Variants in LRRTM4 observed in about 807,000 individuals in gnomAD.
LRRTM4 encodes the protein leucine-rich repeat transmembrane neuronal protein 4.
Under a neutral mutation model 47.6 loss-of-function variants are expected in LRRTM4, and 25 were observed. The observed-to-expected ratio is 0.53, with a 90% confidence interval of 0.38 to 0.73. The LOEUF is 0.73. LRRTM4 is among the 30% of genes least tolerant of loss of function. The pLI, the probability that LRRTM4 is intolerant of heterozygous loss-of-function variation, is 0.00. For missense variants in LRRTM4, 638 were observed against 713.4 expected (o/e 0.89, Z 1.20); for synonymous variants, 311 against 269.5 (o/e 1.15, Z -1.51).
chr2:77,362,387 G>A (rs561523316), intron 3 of LRRTM4, among the ~76,000 whole-genome samples: 1 of 152,306 alleles, frequency 6.6e-6, no homozygotes, highest in East Asian at 1.9e-4. Flanking sequence ...TATAGAACGA[G>A]ATATATTTCA....
chr2:76,769,681 T>A (rs1276266262), intron 3 of LRRTM4, among the ~76,000 whole-genome samples: 1 of 152,258 alleles, frequency 6.6e-6, no homozygotes, highest in African/African-American at 2.4e-5. Context: ...GACGCCAACA[T>A]ACTGAATTCG....
Position 76,841,635 on chromosome 2 carries a change from G to A in LRRTM4, c.1552-92719C>T, listed in dbSNP as rs145882770. Among the ~76,000 whole-genome samples, 491 of 146,268 alleles carry A rather than the reference G, an allele frequency of 3.4e-3. 2 individuals carry two copies. Among genetic ancestry groups the A allele is most frequent in the African/African-American group, 0.012 (469 of 39,918 alleles). ...CCCACAATTCCAGTTAAAAATATAG[G>A]AGGTTCAGAATCAATTTGGTAACCT... On this transcript the variant is annotated intron_variant, in intron 3 of 3. Coordinates refer to ENST00000409884, the MANE Select transcript of LRRTM4 (RefSeq NM_001134745.3).
chr2:77,233,218 GT>G (rs1172827749), intron 3 of LRRTM4, among the ~76,000 whole-genome samples: 1 of 152,154 alleles, frequency 6.6e-6, no homozygotes, highest in Non-Finnish European at 1.5e-5. Flanking sequence ...TGCTAAAAGT[GT>G]TTTAGAAAGT....
intron 3 of LRRTM4, among the ~76,000 whole-genome samples, chr2:76,973,522 G>T (rs904510334): frequency 6.6e-6 from 1 of 151,860 alleles, no homozygotes; most frequent in Non-Finnish European, 1.5e-5. Context: ...CAGATGAAAA[G>T]AACTCTTCTT....
intron 3 of LRRTM4, among the ~76,000 whole-genome samples, chr2:77,285,608 G>C (rs997770329): frequency 4.6e-5 from 7 of 151,586 alleles, no homozygotes; most frequent in African/African-American, 1.7e-4. Context: ...CGGGCCTGCT[G>C]GCACATATCT....
At chr2:77,332,369 A>C (rs1385166454) in intron 3 of LRRTM4, among the ~76,000 whole-genome samples, 1 of 152,218 alleles carries the variant, frequency 6.6e-6, no homozygotes, top group African/African-American at 2.4e-5. Flanking sequence ...TAATTAGTAC[A>C]TTATAGTCTC....
intron 3 of LRRTM4, among the ~76,000 whole-genome samples, chr2:77,085,998 TGAGAAAGG>T (rs1680697511): frequency 6.6e-6 from 1 of 152,194 alleles, no homozygotes; most frequent in African/African-American, 2.4e-5. Context: ...GTCCATTTTT[TGAGAAAGG>T]GAGAAAGTAC....
At chr2:77,476,652 T>A (rs892140388) in intron 3 of LRRTM4, among the ~76,000 whole-genome samples, 2 of 152,140 alleles carry the variant, frequency 1.3e-5, no homozygotes, top group Non-Finnish European at 2.9e-5. Context: ...CTCCAAAAAA[T>A]GTTCTAATGA....
chr2:76,817,202 G>A (rs1670927707), intron 3 of LRRTM4, among the ~76,000 whole-genome samples: 1 of 151,896 alleles, frequency 6.6e-6, no homozygotes, highest in South Asian at 2.1e-4. Context: ...AGGAGTGCAT[G>A]CAGTTGTTTT....
intron 3 of LRRTM4, among the ~76,000 whole-genome samples, chr2:77,207,349 G>A (rs28510528): frequency 0.12 from 14,901 of 119,678 alleles, 2,133 homozygotes; most frequent in African/African-American, 0.36. Flanking sequence ...TCATATATGT[G>A]TATATATATA....
chr2:76,823,184 C>T (rs1202003300), intron 3 of LRRTM4, among the ~76,000 whole-genome samples: 2 of 151,200 alleles, frequency 1.3e-5, no homozygotes, highest in East Asian at 3.9e-4. Flanking sequence ...ATGTTGATAT[C>T]AATTGAGTAT....
chr2:76,855,971 C>G (rs1046137971), intron 3 of LRRTM4, among the ~76,000 whole-genome samples: 3 of 152,148 alleles, frequency 2.0e-5, no homozygotes, highest in Non-Finnish European at 4.4e-5. Context: ...GTCAGTCACT[C>G]TGGCATTCAA....
At chr2:77,232,442 G>A (rs1275552077) in intron 3 of LRRTM4, among the ~76,000 whole-genome samples, 2 of 152,218 alleles carry the variant, frequency 1.3e-5, no homozygotes, top group South Asian at 2.1e-4. Flanking sequence ...GCGCTACAGA[G>A]CATGATACAA....
chr2:77,033,429 T>G (rs1265165142), intron 3 of LRRTM4, among the ~76,000 whole-genome samples: 3 of 151,782 alleles, frequency 2.0e-5, no homozygotes, highest in Admixed American at 2.0e-4. Context: ...AATGCATAGT[T>G]TTTTTTACTC....
At chr2:76,840,494 G>A (rs1279435988) in intron 3 of LRRTM4, among the ~76,000 whole-genome samples, 1 of 152,160 alleles carries the variant, frequency 6.6e-6, no homozygotes, top group South Asian at 2.1e-4. Flanking sequence ...CAAAATGCCA[G>A]TAAATAGAAA....
At chr2:77,209,329 GT>G (rs1488346572) in intron 3 of LRRTM4, among the ~76,000 whole-genome samples, 1 of 151,876 alleles carries the variant, frequency 6.6e-6, no homozygotes, top group East Asian at 1.9e-4. Flanking sequence ...TTTGGGGAAA[GT>G]TACAAAGGTG....
chr2:77,357,393 G>A (rs963838379), intron 3 of LRRTM4, among the ~76,000 whole-genome samples: 3 of 152,188 alleles, frequency 2.0e-5, no homozygotes, highest in African/African-American at 7.2e-5. Context: ...GAAAATACAA[G>A]ATCATGGCCA....
At chr2:77,492,371 T>C (rs552200378) in intron 3 of LRRTM4, among the ~76,000 whole-genome samples, 1 of 152,186 alleles carries the variant, frequency 6.6e-6, no homozygotes, top group African/African-American at 2.4e-5. Context: ...GGAATCCTTT[T>C]GCTTTAGCCT....
chr2:76,985,132 C>G (rs1573404695), intron 3 of LRRTM4, among the ~76,000 whole-genome samples: 2 of 151,994 alleles, frequency 1.3e-5, no homozygotes, highest in African/African-American at 4.8e-5. Context: ...TCTTTATCTT[C>G]TATCAAAATT....
Sources: allele counts gnomAD v4.1 joint callset (sites outside exome capture counted in the v4.1 genomes callset), GRCh38; gene constraint gnomAD v4.1.1; transcripts MANE v1.5; gene names NCBI Gene and HGNC (gene_info 2026-07-23, HGNC 2026-07-21).